XIRP2: variants seen among roughly 807,000 people sequenced by gnomAD.
XIRP2 encodes xin actin binding repeat containing 2.
In XIRP2, 236 loss-of-function variants were observed where a neutral mutation model predicts 277.0. That is an observed-to-expected ratio of 0.85 (90% CI 0.77 to 0.95). The LOEUF (loss-of-function observed/expected upper bound fraction) is 0.95. Ranked by LOEUF, XIRP2 falls within the 40% of genes least tolerant of loss-of-function variation. The pLI, the probability that XIRP2 is intolerant of heterozygous loss-of-function variation, is 0.00. For missense variants in XIRP2, 4,640 were observed against 4,157.5 expected (o/e 1.12, Z -3.19); for synonymous variants, 1,490 against 1,416.5 (o/e 1.05, Z -1.17).
intron 2 of XIRP2, among the ~76,000 whole-genome samples, chr2:167,101,336 C>A (rs1225663810): frequency 6.6e-6 from 1 of 151,906 alleles, no homozygotes. Flanking sequence ...TTTTTACTTC[C>A]ATAGGTTTTG....
chr2:166,951,276 G>A (rs531629395), intron 2 of XIRP2, among the ~76,000 whole-genome samples: 2 of 152,124 alleles, frequency 1.3e-5, no homozygotes, highest in Non-Finnish European at 2.9e-5. Flanking sequence ...ATTGGCTCAT[G>A]GTTCTGCAGG....
At chr2:167,159,946 T>C (rs147286887) in intron 3 of XIRP2, among the ~76,000 whole-genome samples, 2,757 of 152,276 alleles carry the variant, frequency 0.018, 38 homozygotes, top group Non-Finnish European at 0.026. Context: ...TAAGCTGCAG[T>C]CAGAGTACTT....
chr2:167,207,057 C>T (rs1399500413), intron 3 of XIRP2, among the ~76,000 whole-genome samples: 1 of 151,812 alleles, frequency 6.6e-6, no homozygotes, highest in Non-Finnish European at 1.5e-5. Flanking sequence ...AAGCCATTGA[C>T]CTTTATTTCC....
chr2:166,909,882 A>G (rs1016450254), intron 2 of XIRP2, among the ~76,000 whole-genome samples: 8 of 152,052 alleles, frequency 5.3e-5, no homozygotes, highest in South Asian at 2.1e-4. Context: ...TGTGGTTTTT[A>G]TCTTTGGTTC....
intron 2 of XIRP2, among the ~76,000 whole-genome samples, chr2:167,032,629 G>A (rs1305565929): frequency 6.6e-6 from 1 of 152,008 alleles, no homozygotes; most frequent in Non-Finnish European, 1.5e-5. Context: ...TCAAATTGTG[G>A]GCAAATGATA....
chr2:167,079,072 A>T (rs918202466), intron 2 of XIRP2, among the ~76,000 whole-genome samples: 2 of 152,048 alleles, frequency 1.3e-5, no homozygotes, highest in African/African-American at 4.8e-5. Flanking sequence ...TCATGAAAGG[A>T]TGTTGGATTT....
At chr2:167,174,161 A>G (rs999812628) in intron 3 of XIRP2, among the ~76,000 whole-genome samples, 2 of 151,762 alleles carry the variant, frequency 1.3e-5, no homozygotes, top group African/African-American at 2.4e-5. Flanking sequence ...CTCTTTTTCT[A>G]TTGTTTGGAA....
chr2:166,919,251 G>A (rs1335915323), intron 2 of XIRP2, among the ~76,000 whole-genome samples: 5 of 152,196 alleles, frequency 3.3e-5, no homozygotes, highest in Admixed American at 6.5e-5. Context: ...TATGTTTAAT[G>A]TGTAGTGGTG....
At chr2:167,234,999 ATCTTTT>A (rs1243775892) in intron 5 of XIRP2, among the ~76,000 whole-genome samples, 2 of 151,866 alleles carry the variant, frequency 1.3e-5, no homozygotes, top group Admixed American at 1.3e-4. Flanking sequence ...CATCATGAAT[ATCTTTT>A]TCTTTTCCTA....
chr2:166,960,931 C>T (rs2105407172), intron 2 of XIRP2, among the ~76,000 whole-genome samples: 1 of 151,842 alleles, frequency 6.6e-6, no homozygotes, highest in South Asian at 2.1e-4. Context: ...GGCTTGTGCC[C>T]TTTGAGGCAC....
intron 3 of XIRP2, among the ~76,000 whole-genome samples, chr2:167,155,385 A>G (rs1323083775): frequency 6.6e-6 from 1 of 151,618 alleles, no homozygotes; most frequent in African/African-American, 2.4e-5. Context: ...GCACATCAAA[A>G]ACCTTATCCA....
chr2:167,242,549 T>C lies in XIRP2; in HGVS notation c.1177-20T>C, dbSNP rs1246510924. The C allele has an allele frequency of 1.9e-6, 3 of 1,587,792 alleles. No individual in the cohort carries two copies. The highest frequency in any genetic ancestry group is 2.6e-6 in the Non-Finnish European group (3 of 1,166,524). On this transcript the variant is annotated intron_variant, in intron 8 of 10. Transcript: ENST00000409195. ...CCACTACACTCACCTTTATAAGATT[T>C]GATTTTCTCTCCCCTAAAGACTGAA...
chr2:167,157,430 C>T (rs1692233478), intron 3 of XIRP2, among the ~76,000 whole-genome samples: 1 of 152,036 alleles, frequency 6.6e-6, no homozygotes, highest in African/African-American at 2.4e-5. Context: ...AAGTCAATAT[C>T]CACTTTATAC....
At position 166,946,770 on chromosome 2, in the gene XIRP2, G is replaced by A. The variant is rs148267066; in HGVS notation, c.408+42880G>A. On this transcript the variant is annotated intron_variant, in intron 2 of 10. Transcript: ENST00000409195. The stretch of plus-strand genomic sequence containing the variant: ...CATTAATTGAGAGGATCAGTAAGAT[G>A]TTACAATCAGTTCAAAAAAGAATTT... Among the ~76,000 whole-genome samples the A allele has an allele frequency of 3.9e-3, 586 of 152,116 alleles. 4 individuals carry two copies. The highest frequency in any genetic ancestry group is 0.014 in the African/African-American group (569 of 41,530).
intron 6 of XIRP2, 29 bp from the exon 7 acceptor site, chr2:167,240,635 A>G (rs1403090772): frequency 6.2e-7 from 1 of 1,601,218 alleles, no homozygotes; most frequent in Admixed American, 1.7e-5. Flanking sequence ...CTTAAAAACA[A>G]TTTATTTTCA....
chr2:167,027,095 G>C (rs561515290), intron 2 of XIRP2, among the ~76,000 whole-genome samples: 2 of 152,256 alleles, frequency 1.3e-5, no homozygotes, highest in East Asian at 3.9e-4. Flanking sequence ...ATCCTGCAGA[G>C]TGTTTTCCAT....
chr2:167,203,642 C>A (rs888233734), intron 3 of XIRP2, among the ~76,000 whole-genome samples: 2 of 152,176 alleles, frequency 1.3e-5, no homozygotes, highest in Non-Finnish European at 2.9e-5. Flanking sequence ...GTGCTGTACA[C>A]TTGCTTTCAT....
At chr2:167,039,005 T>G (rs1310303660) in intron 2 of XIRP2, among the ~76,000 whole-genome samples, 1 of 152,172 alleles carries the variant, frequency 6.6e-6, no homozygotes, top group African/African-American at 2.4e-5. Context: ...TTTCTACATT[T>G]TTTTCAGCAT....
intron 3 of XIRP2, 121 bp downstream of exon 3, chr2:167,136,183 A>ATAT (rs1691546172): frequency 1.0e-6 from 1 of 978,000 alleles, no homozygotes; most frequent in Non-Finnish European, 1.4e-6. Flanking sequence ...GACTGCATAT[A>ATAT]GTTTAGGAAA....
Sources: gnomAD v4.1 joint callset for allele counts (sites outside exome capture counted in the v4.1 genomes callset) on GRCh38, gnomAD v4.1.1 for gene constraint, MANE v1.5 for transcripts, NCBI Gene and HGNC (gene_info 2026-07-23, HGNC 2026-07-21) for gene names.